The following PKD1L1 variants were observed in gnomAD, a reference collection of about 807,000 sequenced individuals.
The protein encoded by PKD1L1 is polycystin 1 like 1, transient receptor potential channel interacting.
PKD1L1 carries 236 observed loss-of-function variants against 323.4 expected under a neutral mutation model. The ratio of observed to expected loss-of-function variants is 0.73; its 90% CI spans 0.66 to 0.81. The LOEUF is 0.81. PKD1L1 is among the 40% of genes least tolerant of loss of function. The pLI, the probability that PKD1L1 is intolerant of heterozygous loss-of-function variation, is 0.00. For missense variants in PKD1L1, 3,320 were observed against 3,508.0 expected (o/e 0.95, Z 1.35); for synonymous variants, 1,344 against 1,335.0 (o/e 1.01, Z -0.15).
chr7:47,795,040 T>C (rs1784487527), intron 55 of PKD1L1, among the ~76,000 whole-genome samples: 1 of 152,234 alleles, frequency 6.6e-6, no homozygotes, highest in Non-Finnish European at 1.5e-5. Context: ...TTGTCTCAGA[T>C]GACACTTTGG....
intron 8 of PKD1L1, among the ~76,000 whole-genome samples, chr7:47,914,330 A>C (rs1296766830): frequency 6.6e-6 from 1 of 152,236 alleles, no homozygotes; most frequent in Non-Finnish European, 1.5e-5. Flanking sequence ...CTAAACTCAC[A>C]TATCTCAAAT....
At chr7:47,821,242 A>C in intron 45 of PKD1L1, 56 bp from the exon 46 acceptor site, 1 of 1,017,926 alleles carries the variant, frequency 9.8e-7, no homozygotes, top group Non-Finnish European at 1.5e-6. Context: ...TAGGTACCTG[A>C]GTGCTTCAAT....
intron 19 of PKD1L1, 130 bp downstream of exon 19, chr7:47,884,468 T>G (rs1786636834): frequency 2.4e-6 from 2 of 817,762 alleles, no homozygotes; most frequent in Non-Finnish European, 4.1e-6. Context: ...ATGTAAGAGT[T>G]CAACTTTTCC....
At chr7:47,822,704 C>G (rs1250907682) in intron 45 of PKD1L1, among the ~76,000 whole-genome samples, 1 of 151,480 alleles carries the variant, frequency 6.6e-6, no homozygotes, top group Non-Finnish European at 1.5e-5. Context: ...TCAATGCACA[C>G]AGTCTATCTC....
chr7:47,809,400 AT>A, intron 51 of PKD1L1, 72 bp downstream of exon 51: 1 of 1,187,236 alleles, frequency 8.4e-7, no homozygotes, highest in East Asian at 2.6e-5. Flanking sequence ...TCAATTTCTT[AT>A]TTAAATTATT....
At chr7:47,957,554 G>A in the PKD1L1 span, among the ~76,000 whole-genome samples, 1 of 151,948 alleles carries the variant, frequency 6.6e-6, no homozygotes, top group Non-Finnish European at 1.5e-5. Context: ...TGTTGCCCAC[G>A]CTGAAGTGCA....
chr7:47,845,115 G>A, intron 32 of PKD1L1, 37 bp from the exon 33 acceptor site: 3 of 1,554,718 alleles, frequency 1.9e-6, no homozygotes, highest in Non-Finnish European at 2.7e-6. Context: ...CAGAATGTGT[G>A]GAGAGAGCAG....
rs143356455 is a variant in PKD1L1 at position 47,893,728 on chromosome 7, T to C, written c.2453+150A>G. The C allele has an allele frequency of 5.6e-5, 43 of 771,598 alleles. 1 individual carries two copies. The highest frequency in any genetic ancestry group is 5.3e-4 in the African/African-American group (30 of 56,552). 47.8% of individuals were successfully genotyped at this position (771,598 alleles called of 1,614,324 possible). ...TCCACTCTTTTCCTCAATTCCCTTA[T>C]ATTTTGTTCCTAAATAAAGCAGTTA... On this transcript the variant is annotated intron_variant, in intron 15 of 56. Coordinates refer to ENST00000289672, the MANE Select transcript of PKD1L1 (RefSeq NM_138295.5).
rs751370439 is a variant in PKD1L1 at position 47,842,943 on chromosome 7, C to A, written c.5445+19G>T. On this transcript the variant is annotated intron_variant, in intron 34 of 56. Coordinates refer to ENST00000289672, the MANE Select transcript of PKD1L1 (RefSeq NM_138295.5). ...CTGCTTAGACACCATCAAAGAGTAC[C>A]CCCAGATGCTCGAGCTACCTTTGAG... is the stretch of plus-strand genomic sequence containing the variant. The A allele has an allele frequency of 1.9e-6, 3 of 1,604,212 alleles. No homozygotes were observed. The South Asian group carries it at 3.3e-5, about 18-fold the overall frequency.
rs115431547 is a variant in PKD1L1, at chr7:47,927,745, G to A, written c.1060+1459C>T. Among the ~76,000 whole-genome samples, 207 of 152,224 alleles carry A rather than the reference G, an allele frequency of 1.4e-3. 1 individual carries two copies. The highest frequency in any genetic ancestry group is 4.4e-3 in the African/African-American group (184 of 41,522). ...TACCTATCATATTGATCTCTACATC[G>A]TTCACAGGAATGTAAATAGGACAAG... On this transcript the variant is annotated intron_variant, in intron 7 of 56. Coordinates refer to ENST00000289672, the MANE Select transcript of PKD1L1 (RefSeq NM_138295.5).
At chr7:47,801,135 G>A (rs1784653027) in intron 53 of PKD1L1, among the ~76,000 whole-genome samples, 1 of 151,640 alleles carries the variant, frequency 6.6e-6, no homozygotes, top group Non-Finnish European at 1.5e-5. Flanking sequence ...GGCTCTTCCT[G>A]CCAGTGCCCT....
chr7:47,786,302 T>C (rs1344940964), intron 56 of PKD1L1, among the ~76,000 whole-genome samples: 2 of 152,226 alleles, frequency 1.3e-5, no homozygotes, highest in Non-Finnish European at 2.9e-5. Flanking sequence ...TTTTACAAAC[T>C]GGCAAGTTAA....
intron 56 of PKD1L1, among the ~76,000 whole-genome samples, chr7:47,792,286 G>C (rs1383198560): frequency 6.6e-6 from 1 of 151,810 alleles, no homozygotes; most frequent in East Asian, 1.9e-4. Context: ...TGAGATTACT[G>C]GTCACATTCT....
intron 56 of PKD1L1, among the ~76,000 whole-genome samples, chr7:47,786,352 C>T (rs1786807198): frequency 8.0e-6 from 1 of 125,640 alleles, no homozygotes; most frequent in African/African-American, 2.8e-5. Flanking sequence ...TTGATGGCTT[C>T]CTGCTCCTAA....
At chr7:47,871,615 T>G (rs1266351111) in intron 24 of PKD1L1, among the ~76,000 whole-genome samples, 1 of 152,194 alleles carries the variant, frequency 6.6e-6, no homozygotes, top group Non-Finnish European at 1.5e-5. Flanking sequence ...ACAGGAATTT[T>G]AGAGAGGACA....
chr7:47,809,687 G>A lies in PKD1L1; in HGVS notation c.7582-110C>T, dbSNP rs1312250799. 3 of 729,418 alleles carry A rather than the reference G, an allele frequency of 4.1e-6. No individual in the cohort carries two copies. In the African/African-American group the frequency reaches 5.4e-5, roughly 13 times the overall value. 45.2% of individuals were successfully genotyped at this position (729,418 alleles called of 1,614,324 possible). A position where few individuals can be genotyped will look rare whatever the true frequency, so the allele number is the denominator to read the frequency against. ...CTGCCAATCACCTTTGAGTAGCTAG[G>A]ATGCAAGCCCATTTCCTGTTCTGCA... On this transcript the variant is annotated intron_variant, in intron 50 of 56. Coordinates refer to ENST00000289672, the MANE Select transcript of PKD1L1 (RefSeq NM_138295.5).
chr7:47,900,838 T>C (rs950450365), intron 13 of PKD1L1, among the ~76,000 whole-genome samples: 1 of 152,172 alleles, frequency 6.6e-6, no homozygotes, highest in Non-Finnish European at 1.5e-5. Context: ...CAGTAAGACA[T>C]CATTAAAATT....
At chr7:47,957,462 AAACATTC>A in the PKD1L1 span, 2 of 152,250 alleles carry the variant, frequency 1.3e-5, no homozygotes, top group African/African-American at 4.8e-5. Flanking sequence ...TCGAACTAAA[AAACATTC>A]AGTAAAGTTT....
rs1032191547 is a variant in PKD1L1, at chr7:47,830,119, C to A, written c.6479G>T (p.Gly2160Val). The A allele has an allele frequency of 1.9e-6, 3 of 1,613,886 alleles. No individual in the cohort carries two copies. The highest frequency in any genetic ancestry group is 2.5e-6 in the Non-Finnish European group (3 of 1,179,986). Reference protein sequence around the residue: ...LGTGFLAYRFGQEQCVQWLHL... With the variant: ...LGTGFLAYRFVQEQCVQWLHL... Reference sequence around the variant, plus strand: ...CAGCCACTGCACACATTGCTCCTGGCCAAACCTGCCCCCAGGGAAAGTGCA... The same window carrying A: ...CAGCCACTGCACACATTGCTCCTGGACAAACCTGCCCCCAGGGAAAGTGCA... Residue 2160 changes from glycine (G) to valine (V), a missense_variant, in exon 43 of 57, where the codon GGC becomes GTC. Coordinates refer to ENST00000289672, the MANE Select transcript of PKD1L1 (RefSeq NM_138295.5).
Sources: allele counts gnomAD v4.1 joint callset (sites outside exome capture counted in the v4.1 genomes callset), GRCh38; gene constraint gnomAD v4.1.1; transcripts MANE v1.5; gene names NCBI Gene and HGNC (gene_info 2026-07-23, HGNC 2026-07-21).